Variants in CLCA1 observed in about 807,000 individuals in gnomAD.
The protein encoded by CLCA1 is calcium-activated chloride channel regulator 1.
CLCA1 carries 59 observed loss-of-function variants against 85.6 expected under a neutral mutation model. That is an observed-to-expected ratio of 0.69 (90% CI 0.56 to 0.86). The LOEUF is 0.86. Ranked by LOEUF, CLCA1 falls within the 40% of genes least tolerant of loss-of-function variation. The pLI, the probability that CLCA1 is intolerant of heterozygous loss-of-function variation, is 0.00. For missense variants in CLCA1, 1,022 were observed against 1,101.4 expected, an observed-to-expected ratio of 0.93 and a Z score of 1.02; for synonymous variants, 396 against 398.3, an observed-to-expected ratio of 0.99 and a Z score of 0.07.
In CLCA1 at chr1:86,491,326, G is replaced by T; in HGVS notation, c.1419G>T (p.Gly473=). The T allele has an allele frequency of 6.2e-7, 1 of 1,613,558 alleles. No homozygotes were observed. Residue 473 remains glycine (G), a synonymous_variant, in exon 9 of 14, where the codon GGG becomes GGT. Transcript: ENST00000394711. ...ACAATGGCCTCATTGATGCTTTTGG[G>T]GCCCTTTCATCAGGAAATGGAGCTG... The part of the protein sequence containing the change: ...VQNNGLIDAF[G]ALSSGNGAVS...
intron 11 of CLCA1, among the ~76,000 whole-genome samples, chr1:86,494,715 C>T (rs1211460284): frequency 1.3e-5 from 2 of 152,046 alleles, no homozygotes; most frequent in Non-Finnish European, 2.9e-5. Context: ...ATTCCACAAC[C>T]CCCAAAAAAG....
At chr1:86,484,701 A>T (rs2734702) in intron 5 of CLCA1, among the ~76,000 whole-genome samples, 86,755 of 151,648 alleles carry the variant, frequency 0.57, 26,515 homozygotes, top group East Asian at 0.79. Flanking sequence ...GAAAAGATGA[A>T]GAAATTGAGA....
chr1:86,479,753 C>T (rs5744340), intron 4 of CLCA1, among the ~76,000 whole-genome samples: 2,137 of 152,046 alleles, frequency 0.014, 54 homozygotes, highest in African/African-American at 0.049. Context: ...GGCGTGGTGG[C>T]GGGTGCCTGT....
chr1:86,484,262 G>A (rs970030661), intron 5 of CLCA1, among the ~76,000 whole-genome samples: 1 of 152,330 alleles, frequency 6.6e-6, no homozygotes, highest in South Asian at 2.1e-4. Flanking sequence ...AAGCTATAAA[G>A]GGTGGAATGG....
intron 5 of CLCA1, among the ~76,000 whole-genome samples, chr1:86,483,458 C>G (rs1468890724): frequency 6.6e-6 from 1 of 151,904 alleles, no homozygotes; most frequent in Non-Finnish European, 1.5e-5. Flanking sequence ...TTTGTAATTG[C>G]ATGATAATAT....
chr1:86,483,960 A>G (rs903628823), intron 5 of CLCA1, among the ~76,000 whole-genome samples: 2 of 152,212 alleles, frequency 1.3e-5, no homozygotes, highest in African/African-American at 2.4e-5. Context: ...GCGAAGGAGA[A>G]GCAAGGCACA....
At chr1:86,498,159 G>A (rs868436372) in intron 12 of CLCA1, among the ~76,000 whole-genome samples, 1 of 98,942 alleles carries the variant, frequency 1.0e-5, no homozygotes. Flanking sequence ...ACAAAGAAAG[G>A]AAGGAAGGAA....
intron 7 of CLCA1, 28 bp from the exon 8 acceptor site, chr1:86,488,968 T>C (rs771570996): frequency 2.5e-6 from 4 of 1,599,594 alleles, no homozygotes; most frequent in Non-Finnish European, 3.4e-6. Context: ...CTAAGTCTGA[T>C]AACTCGTGCC....
At chr1:86,494,580 G>T in intron 11 of CLCA1, 132 bp downstream of exon 11, 1 of 902,316 alleles carries the variant, frequency 1.1e-6, no homozygotes, top group Non-Finnish European at 1.7e-6. Context: ...GGTTGGGAGA[G>T]TTCTCCATTT....
At chr1:86,494,050 G>A (rs1648207942) in intron 10 of CLCA1, 137 bp from the exon 11 acceptor site, 11 of 943,188 alleles carry the variant, frequency 1.2e-5, no homozygotes, top group African/African-American at 1.6e-5. Flanking sequence ...GGCTGACAGA[G>A]TATCAAACAT....
chr1:86,483,712 G>T (rs894660662), intron 5 of CLCA1, among the ~76,000 whole-genome samples: 1 of 152,118 alleles, frequency 6.6e-6, no homozygotes, highest in Non-Finnish European at 1.5e-5. Context: ...AGAGGTTAAG[G>T]TTACTCAAAA....
chr1:86,495,592 C>T lies in CLCA1; in HGVS notation c.2030C>T (p.Ala677Val). Residue 677 changes from alanine (A) to valine (V), a missense_variant, in exon 12 of 14, where the codon GCT (alanine) becomes GTT (valine). By Grantham distance (64) the Ala-to-Val change is moderately conservative. Coordinates refer to ENST00000394711, the MANE Select transcript of CLCA1 (RefSeq NM_001285.4). Reference sequence around the variant, plus strand: ...GGTAGATACAGTGTAAAAGTGCGGGCTCTGGGAGGAGTTAACGCAGCCAGA... The same window carrying T: ...GGTAGATACAGTGTAAAAGTGCGGGTTCTGGGAGGAGTTAACGCAGCCAGA... ...TNGRYSVKVR[A>V]LGGVNAARRR... 6.2e-7 allele frequency: 1 copy of T among 1,614,076 alleles called. No homozygotes were observed. The highest frequency in any genetic ancestry group is 8.5e-7 in the Non-Finnish European group (1 of 1,179,972).
intron 5 of CLCA1, among the ~76,000 whole-genome samples, chr1:86,483,937 A>G (rs1647886651): frequency 6.6e-6 from 1 of 152,194 alleles, no homozygotes; most frequent in Admixed American, 6.5e-5. Context: ...GAAACTTACC[A>G]TCATGGTGGA....
At chr1:86,488,871 G>A (rs1187154277) in intron 7 of CLCA1, 125 bp from the exon 8 acceptor site, 6 of 693,470 alleles carry the variant, frequency 8.7e-6, no homozygotes, top group Non-Finnish European at 1.2e-5. Flanking sequence ...CAGATATTTG[G>A]TCATTCCCAG....
chr1:86,479,378 G>A (rs1040255980), intron 4 of CLCA1, among the ~76,000 whole-genome samples: 2 of 151,936 alleles, frequency 1.3e-5, no homozygotes, highest in Non-Finnish European at 2.9e-5. Flanking sequence ...AAGGTAAATT[G>A]GGAAACATTC....
rs79714668 is a variant in CLCA1, at chr1:86,476,374, T to A, written c.452-74T>A. The A allele has an allele frequency of 1.3e-3, 978 of 727,210 alleles. 21 individuals are homozygous for A. The East Asian group carries it at 0.023, about 17-fold the overall frequency. The allele number at this position is 727,210 out of a possible 1,614,324, so 45.0% of individuals were successfully genotyped here. A position where few individuals can be genotyped will look rare whatever the true frequency, so the allele number is the denominator to read the frequency against. On this transcript the variant is annotated intron_variant, in intron 3 of 13. Transcript: ENST00000394711. ...CAGCAAAGCATAAATATTCCAAACA[T>A]TGCTTTCTTCCAGTGTGAGAAGGTA...
Position 86,494,332 on chromosome 1 carries a change from T to C in CLCA1, c.1826T>C (p.Val609Ala). The C allele has an allele frequency of 6.2e-7, 1 of 1,614,106 alleles. No individual in the cohort carries two copies. Among genetic ancestry groups the C allele is most frequent in the African/African-American group, 1.3e-5 (1 of 75,036 alleles). Residue 609 changes from valine (V) to alanine (A), a missense_variant, in exon 11 of 14, where the codon GTA becomes GCA. Coordinates refer to ENST00000394711, the MANE Select transcript of CLCA1 (RefSeq NM_001285.4). ...ACCAGCAAATTCCCCAGCCCTCTGG[T>C]AGTTTATGCAAATATTCGCCAAGGA... The part of the protein sequence containing the change: ...KDTSKFPSPL[V>A]VYANIRQGAS...
At chr1:86,474,568 G>A (rs1432286184) in intron 3 of CLCA1, among the ~76,000 whole-genome samples, 1 of 91,388 alleles carries the variant, frequency 1.1e-5, no homozygotes, top group East Asian at 4.7e-4. Flanking sequence ...AAAAAAAAAG[G>A]GGGGGGATTC....
chr1:86,476,206 G>C (rs1647631142), intron 3 of CLCA1, among the ~76,000 whole-genome samples: 1 of 152,204 alleles, frequency 6.6e-6, no homozygotes, highest in South Asian at 2.1e-4. Flanking sequence ...GGATAGGGCA[G>C]CTGTTTGTGT....
Sources: gnomAD v4.1 joint callset for allele counts (sites outside exome capture counted in the v4.1 genomes callset) on GRCh38, gnomAD v4.1.1 for gene constraint, MANE v1.5 for transcripts, NCBI Gene and HGNC (gene_info 2026-07-23, HGNC 2026-07-21) for gene names.